SLC2A7: variants seen among roughly 807,000 people sequenced by gnomAD.
The protein encoded by SLC2A7 is solute carrier family 2, facilitated glucose transporter member 7.
Under a neutral mutation model 50.5 loss-of-function variants are expected in SLC2A7, and 50 were observed. That is an observed-to-expected ratio of 0.99 (90% CI 0.79 to 1.25). SLC2A7 has a LOEUF of 1.25. SLC2A7 is among the 50% of genes most tolerant of loss of function. The pLI is 0.00. For missense variants in SLC2A7, 683 were observed against 679.1 expected, an observed-to-expected ratio of 1.01 and a Z score of -0.06; for synonymous variants, 308 against 300.4, an observed-to-expected ratio of 1.03 and a Z score of -0.26.
At chr1:9,013,732 G>T in intron 7 of SLC2A7, 97 bp from the exon 8 acceptor site, 1 of 1,051,602 alleles carries the variant, frequency 9.5e-7, no homozygotes, top group Non-Finnish European at 1.4e-6. Flanking sequence ...GCAAGCCTGG[G>T]TTGGGGACCC....
At chr1:9,014,499 T>C (rs1401336611) in intron 7 of SLC2A7, among the ~76,000 whole-genome samples, 182 bp downstream of exon 7, 1 of 152,202 alleles carries the variant, frequency 6.6e-6, no homozygotes, top group African/African-American at 2.4e-5. Flanking sequence ...GAAGCTGGCA[T>C]GTGGGGAGAG....
At chr1:9,019,863 G>A (rs989772405) in intron 3 of SLC2A7, among the ~76,000 whole-genome samples, 5 of 152,164 alleles carry the variant, frequency 3.3e-5, no homozygotes, top group African/African-American at 1.2e-4. Context: ...GGCAGAGGTT[G>A]CAGTGAGCCG....
chr1:8,999,241 A>G (rs985289400), downstream of SLC2A7, among the ~76,000 whole-genome samples: 1 of 152,056 alleles, frequency 6.6e-6, no homozygotes, highest in Non-Finnish European at 1.5e-5. Flanking sequence ...CGAACTCCTG[A>G]CCTCAAGTGA....
rs866944150 is a variant in SLC2A7 at position 9,025,049 on chromosome 1, G to A, written c.77C>T (p.Ala26Val). The change falls in exon 2 of 12, where the codon GCG becomes GTG. Residue 26 changes from alanine (A) to valine (V), a missense_variant. Coordinates refer to ENST00000400906, the MANE Select transcript of SLC2A7 (RefSeq NM_207420.3). ...EGRLQPTLLL[A>V]TLSAAFGSAF... ...TGAGCCAAAGGCCGCGCTCAGTGTC[G>A]CCAGCAACAGCGTCGGCTGGAGCCG... The A allele has an allele frequency of 4.3e-6, 7 of 1,613,506 alleles. No homozygotes were observed. The highest frequency in any genetic ancestry group is 1.6e-4 in the Middle Eastern group (1 of 6,084).
intron 11 of SLC2A7, among the ~76,000 whole-genome samples, chr1:9,003,896 C>T (rs1640612921): frequency 6.6e-6 from 1 of 151,652 alleles, no homozygotes; most frequent in South Asian, 2.1e-4. Context: ...AAACAAACAA[C>T]AAATAACCAA....
intron 2 of SLC2A7, among the ~76,000 whole-genome samples, chr1:9,024,082 C>T (rs1640959089): frequency 6.6e-6 from 1 of 151,978 alleles, no homozygotes; most frequent in Non-Finnish European, 1.5e-5. Flanking sequence ...TCTTGAACTC[C>T]TGATTTCAGG....
chr1:9,004,276 T>C (rs1052212589), intron 11 of SLC2A7, among the ~76,000 whole-genome samples: 5 of 150,572 alleles, frequency 3.3e-5, no homozygotes, highest in Admixed American at 2.0e-4. Context: ...AAGGCTGCTA[T>C]GAGCTGTGGT....
chr1:9,025,851 C>A (rs1640990605), intron 1 of SLC2A7, among the ~76,000 whole-genome samples: 1 of 152,160 alleles, frequency 6.6e-6, no homozygotes, highest in Non-Finnish European at 1.5e-5. Flanking sequence ...CCCCTCCCCA[C>A]TGCCCCCTCC....
At chr1:9,004,653 C>T in intron 11 of SLC2A7, 99 bp downstream of exon 11, 2 of 1,463,000 alleles carry the variant, frequency 1.4e-6, no homozygotes, top group Non-Finnish European at 1.9e-6. Flanking sequence ...AGAGCCTGTC[C>T]CCACCTTGCT....
At chr1:9,001,815 CCT>C (rs1640578965), downstream of SLC2A7, among the ~76,000 whole-genome samples, 6 of 152,058 alleles carry the variant, frequency 3.9e-5, no homozygotes, top group South Asian at 1.2e-3. Context: ...GCCTGTGGCC[CCT>C]GTTGTGGGGG....
chr1:9,024,878 C>A (rs1640971380), intron 2 of SLC2A7, 98 bp downstream of exon 2: 1 of 1,388,242 alleles, frequency 7.2e-7, no homozygotes, highest in African/African-American at 1.4e-5. Context: ...CTCCTACAGG[C>A]AAGATGGCAG....
At chr1:9,020,184 G>A (rs1640891387) in intron 3 of SLC2A7, among the ~76,000 whole-genome samples, 1 of 152,154 alleles carries the variant, frequency 6.6e-6, no homozygotes, top group Admixed American at 6.5e-5. Flanking sequence ...TAGAAGCTGG[G>A]GAGGGGAGCA....
At chr1:9,015,283 C>G (rs1271663736) in intron 5 of SLC2A7, 41 bp from the exon 6 acceptor site, 2 of 1,528,644 alleles carry the variant, frequency 1.3e-6, no homozygotes, top group Non-Finnish European at 1.7e-6. Context: ...GGCCTGGGCA[C>G]CCCCTGGCCC....
chr1:9,020,561 C>A lies in SLC2A7; in HGVS notation c.312-1228G>T, dbSNP rs571952998. On this transcript the variant is annotated intron_variant, in intron 3 of 11. Coordinates refer to ENST00000400906, the MANE Select transcript of SLC2A7 (RefSeq NM_207420.3). ...GCAATGGCTCCTGTGCCCCCCCCCA[C>A]CCCCCCGCCTTTGGCTTGGGTTTTG... is the stretch of plus-strand genomic sequence containing the variant. 4.6e-5 allele frequency among the ~76,000 whole-genome samples: 6 copies of A among 130,590 alleles called. 1 individual carries two copies. The highest frequency in any genetic ancestry group is 1.1e-4 in the African/African-American group (4 of 35,584). The allele number at this position is 130,590 out of a possible 152,430, so 85.7% of individuals were successfully genotyped here. A position where few individuals can be genotyped will look rare whatever the true frequency, so the allele number is the denominator to read the frequency against.
rs548192176 is a variant in SLC2A7 at position 9,006,407 on chromosome 1, C to G, written c.1192+903G>C. Among the ~76,000 whole-genome samples, 6 of 152,276 alleles carry G rather than the reference C, an allele frequency of 3.9e-5. 1 individual carries two copies. Among genetic ancestry groups the G allele is most frequent in the African/African-American group, 1.4e-4 (6 of 41,540 alleles). ...GGACTACAGGCGCCCGCCAACACAC[C>G]TGGCTAATTTTTGCATTTTTAGTAG... On this transcript the variant is annotated intron_variant, in intron 10 of 11. Coordinates refer to ENST00000400906, the MANE Select transcript of SLC2A7 (RefSeq NM_207420.3).
chr1:9,014,747 G>A lies in SLC2A7; in HGVS notation c.837C>T (p.Ser279=). 6.3e-7 allele frequency: 1 copy of A among 1,582,088 alleles called. No homozygotes were observed. The highest frequency in any genetic ancestry group is 8.6e-7 in the Non-Finnish European group (1 of 1,164,542). Residue 279 remains serine, a synonymous_variant, in exon 7 of 12, where the codon TCC becomes TCT. Coordinates refer to ENST00000400906, the MANE Select transcript of SLC2A7 (RefSeq NM_207420.3). ...LSVLHLCALR[S]LRWQLLSIIV... ...TGATGGAGAGGAGCTGCCAGCGCAG[G>A]GACCGCAGGGCACAGAGGTGCAGCA...
At chr1:8,996,566 T>C in the SLC2A7 span, among the ~76,000 whole-genome samples, 1 of 152,234 alleles carries the variant, frequency 6.6e-6, no homozygotes, top group Non-Finnish European at 1.5e-5. Context: ...TGTCATGTGG[T>C]AGATGTACAT....
At chr1:9,000,768 G>C (rs186639222), downstream of SLC2A7, among the ~76,000 whole-genome samples, 3 of 151,910 alleles carry the variant, frequency 2.0e-5, no homozygotes, top group Admixed American at 6.6e-5. Context: ...GTGTGTGTGT[G>C]TGTGTGTGTG....
At chr1:9,000,745 G>GGTGCGTGTGTGTGTGT (rs1640562125), downstream of SLC2A7, among the ~76,000 whole-genome samples, 1 of 142,092 alleles carries the variant, frequency 7.0e-6, no homozygotes, top group African/African-American at 2.7e-5. Context: ...TGACTTTCCT[G>GGTGCGTGTGTGTGTGT]GTGTGTGTGT....
Sources: gnomAD v4.1 joint callset for allele counts (sites outside exome capture counted in the v4.1 genomes callset) on GRCh38, gnomAD v4.1.1 for gene constraint, MANE v1.5 for transcripts, NCBI Gene and HGNC (gene_info 2026-07-23, HGNC 2026-07-21) for gene names.